SGCD: variants seen among roughly 807,000 people sequenced by gnomAD.
The protein encoded by SGCD is delta-sarcoglycan.
Under a neutral mutation model 36.6 loss-of-function variants are expected in SGCD, and 18 were observed. That is an observed-to-expected ratio of 0.49 (90% CI 0.34 to 0.73). The LOEUF (loss-of-function observed/expected upper bound fraction) is 0.73, where lower values mean the gene tolerates loss of function less well. Among genes scored for constraint, SGCD ranks in the 30% least tolerant of loss-of-function variants. The pLI is 0.01. For missense variants in SGCD, 387 were observed against 346.7 expected (o/e 1.12, Z -0.92); for synonymous variants, 133 against 130.6 (o/e 1.02, Z -0.12).
chr5:156,319,160 G>A (rs547624484), intron 3 of SGCD, among the ~76,000 whole-genome samples: 1 of 152,246 alleles, frequency 6.6e-6, no homozygotes, highest in South Asian at 2.1e-4. Context: ...CAGCCAGACT[G>A]GCCCAGTCTG....
chr5:156,451,547 TA>T (rs534267942), intron 3 of SGCD, among the ~76,000 whole-genome samples: 258 of 152,252 alleles, frequency 1.7e-3, no homozygotes, highest in African/African-American at 6.1e-3. Context: ...ATCATAAAAG[TA>T]GAGATGATAG....
At chr5:156,527,250 A>G (rs948863274) in intron 4 of SGCD, among the ~76,000 whole-genome samples, 8 of 152,238 alleles carry the variant, frequency 5.3e-5, no homozygotes, top group African/African-American at 1.9e-4. Context: ...ATACAGTAAC[A>G]TAGTCACAAA....
chr5:156,672,624 A>T (rs1407447090), intron 7 of SGCD, among the ~76,000 whole-genome samples: 5 of 152,190 alleles, frequency 3.3e-5, no homozygotes, highest in Non-Finnish European at 2.9e-5. Flanking sequence ...CTTCCAAAGC[A>T]TTGTTGACAT....
chr5:156,363,181 A>G (rs1048808909), intron 3 of SGCD, among the ~76,000 whole-genome samples: 6 of 152,168 alleles, frequency 3.9e-5, no homozygotes, highest in Non-Finnish European at 5.9e-5. Context: ...ATTTCAGTTA[A>G]TTGCACAAAT....
At chr5:156,035,283 G>T (rs1311078313) in intron 1 of SGCD, among the ~76,000 whole-genome samples, 1 of 152,094 alleles carries the variant, frequency 6.6e-6, no homozygotes, top group East Asian at 1.9e-4. Context: ...AGCCTTAACA[G>T]AGTGGTTAAA....
chr5:156,581,934 G>C (rs1209961919), intron 4 of SGCD, among the ~76,000 whole-genome samples: 1 of 152,212 alleles, frequency 6.6e-6, no homozygotes. Context: ...TGCACCCACT[G>C]TCCAACCAGT....
chr5:156,131,710 A>C (rs745918425), intron 3 of SGCD, among the ~76,000 whole-genome samples: 2 of 152,226 alleles, frequency 1.3e-5, no homozygotes, highest in Non-Finnish European at 2.9e-5. Flanking sequence ...AAAGGCATTT[A>C]ATTACTACAT....
At chr5:156,430,838 G>A (rs1752975442) in intron 3 of SGCD, among the ~76,000 whole-genome samples, 1 of 152,098 alleles carries the variant, frequency 6.6e-6, no homozygotes, top group Non-Finnish European at 1.5e-5. Context: ...GTGTGGGAGA[G>A]TTCACTGTCT....
At chr5:155,766,382 GC>G in the SGCD span, among the ~76,000 whole-genome samples, 2 of 152,140 alleles carry the variant, frequency 1.3e-5, no homozygotes, top group Admixed American at 1.3e-4. Context: ...GCTGGCTGTA[GC>G]TGGGGGTGTG....
At chr5:156,622,093 T>G (rs1294562152) in intron 6 of SGCD, among the ~76,000 whole-genome samples, 2 of 152,196 alleles carry the variant, frequency 1.3e-5, no homozygotes, top group African/African-American at 4.8e-5. Flanking sequence ...CCAGGTAGAA[T>G]GTACAAGTAC....
intron 1 of SGCD, among the ~76,000 whole-genome samples, chr5:155,884,103 G>A (rs1453960523): frequency 6.6e-6 from 1 of 152,124 alleles, no homozygotes; most frequent in East Asian, 1.9e-4. Context: ...TATCTTTGCT[G>A]TGAGCCATTC....
chr5:155,882,236 T>G (rs1755901564), intron 1 of SGCD, among the ~76,000 whole-genome samples: 1 of 151,984 alleles, frequency 6.6e-6, no homozygotes, highest in Non-Finnish European at 1.5e-5. Context: ...GGTCTACACC[T>G]GACTTTTTTT....
At chr5:156,426,200 C>T (rs988582351) in intron 3 of SGCD, among the ~76,000 whole-genome samples, 1 of 152,088 alleles carries the variant, frequency 6.6e-6, no homozygotes, top group African/African-American at 2.4e-5. Context: ...GTTCCCTTTG[C>T]ACCACATCCA....
chr5:155,804,501 T>C, the SGCD span, among the ~76,000 whole-genome samples: 2 of 152,226 alleles, frequency 1.3e-5, no homozygotes, highest in African/African-American at 2.4e-5. Flanking sequence ...TGTATGATTG[T>C]ATCCACTGTG....
At chr5:155,921,710 A>G (rs1365400244) in intron 1 of SGCD, among the ~76,000 whole-genome samples, 2 of 152,206 alleles carry the variant, frequency 1.3e-5, no homozygotes, top group African/African-American at 4.8e-5. Flanking sequence ...TTCAAAAACT[A>G]TATAATAAAC....
At chr5:156,428,549 G>A (rs1773777032) in intron 3 of SGCD, among the ~76,000 whole-genome samples, 1 of 151,896 alleles carries the variant, frequency 6.6e-6, no homozygotes, top group South Asian at 2.1e-4. Context: ...GTTCTGCTCT[G>A]ATCCTTGTTA....
intron 3 of SGCD, among the ~76,000 whole-genome samples, chr5:156,416,387 G>T (rs1394054430): frequency 6.6e-6 from 1 of 152,100 alleles, no homozygotes; most frequent in Non-Finnish European, 1.5e-5. Flanking sequence ...GGTGGCAAGG[G>T]ATAAAAGACT....
intron 6 of SGCD, among the ~76,000 whole-genome samples, chr5:156,644,693 G>A (rs540376392): frequency 1.3e-5 from 2 of 152,178 alleles, no homozygotes; most frequent in South Asian, 4.1e-4. Flanking sequence ...TAGATTTGGG[G>A]TTAACAGTTT....
the SGCD span, among the ~76,000 whole-genome samples, chr5:155,842,818 AAAG>A: frequency 1.3e-5 from 2 of 152,254 alleles, no homozygotes. Context: ...AATTTTAAAA[AAAG>A]AAATCTTCAA....
Sources: allele counts gnomAD v4.1 joint callset (sites outside exome capture counted in the v4.1 genomes callset), GRCh38; gene constraint gnomAD v4.1.1; transcripts MANE v1.5; gene names NCBI Gene and HGNC (gene_info 2026-07-23, HGNC 2026-07-21).